TNRC18: variants seen among roughly 807,000 people sequenced by gnomAD.
TNRC18 encodes the protein trinucleotide repeat-containing gene 18 protein.
In TNRC18, 69 loss-of-function variants were observed where a neutral mutation model predicts 226.7. The ratio of observed to expected loss-of-function variants is 0.30; its 90% CI spans 0.25 to 0.37. The LOEUF is 0.37. TNRC18 is among the 10% of genes least tolerant of loss of function. The probability of loss-of-function intolerance (pLI) is 1.00; values close to 1 mark genes in which losing one functional copy is unlikely to be tolerated. For missense variants in TNRC18, 4,754 were observed against 4,256.6 expected (o/e 1.12, Z -3.25); for synonymous variants, 2,449 against 1,927.6 (o/e 1.27, Z -7.09).
intron 19 of TNRC18, among the ~76,000 whole-genome samples, chr7:5,326,780 C>A (rs1788957325): frequency 6.7e-6 from 1 of 150,348 alleles, no homozygotes; most frequent in Non-Finnish European, 1.5e-5. Flanking sequence ...ACACTCCAGC[C>A]TGGGCAAAAA....
chr7:5,384,569 A>G (rs1779626231), intron 5 of TNRC18, among the ~76,000 whole-genome samples: 1 of 150,266 alleles, frequency 6.7e-6, no homozygotes, highest in African/African-American at 2.4e-5. Context: ...GGGCACAGAC[A>G]GGTACTCTGG....
intron 24 of TNRC18, among the ~76,000 whole-genome samples, chr7:5,316,643 G>A (rs60392275): frequency 0.09 from 13,643 of 152,076 alleles, 1,124 homozygotes; most frequent in East Asian, 0.48. Context: ...ACCTGCGCCC[G>A]CTCATGCACA....
At chr7:5,411,727 G>A (rs902445434) in intron 2 of TNRC18, among the ~76,000 whole-genome samples, 1 of 152,072 alleles carries the variant, frequency 6.6e-6, no homozygotes, top group Non-Finnish European at 1.5e-5. Flanking sequence ...CAGACACACA[G>A]GAGAGAGGCA....
rs117726990 is a variant in TNRC18 at position 5,389,847 on chromosome 7, G to A, written c.488-511C>T. 650 of 153,810 alleles carry A rather than the reference G, an allele frequency of 4.2e-3. 3 individuals are homozygous for A. Among genetic ancestry groups the A allele is most frequent in the Non-Finnish European group, 7.0e-3 (483 of 69,132 alleles). 9.5% of individuals were successfully genotyped at this position (153,810 alleles called of 1,614,324 possible). A position where few individuals can be genotyped will look rare whatever the true frequency, so the allele number is the denominator to read the frequency against. Reference sequence around the variant, plus strand: ...CCCCCCAGGGCAAGAAGAAATGGGCGTCCCAGCCCTAGAGAGCGCAGGCTC... The same window carrying A: ...CCCCCCAGGGCAAGAAGAAATGGGCATCCCAGCCCTAGAGAGCGCAGGCTC... On this transcript the variant is annotated intron_variant, in intron 4 of 29. Transcript: ENST00000430969.
At chr7:5,332,005 G>A (rs1789574755) in intron 19 of TNRC18, among the ~76,000 whole-genome samples, 3 of 150,980 alleles carry the variant, frequency 2.0e-5, no homozygotes, top group Non-Finnish European at 4.4e-5. Flanking sequence ...GAATGTATAG[G>A]TACCATATCA....
intron 5 of TNRC18, among the ~76,000 whole-genome samples, chr7:5,384,688 G>A (rs1779633951): frequency 6.6e-6 from 1 of 152,110 alleles, no homozygotes; most frequent in African/African-American, 2.4e-5. Flanking sequence ...CCTCCCAGGG[G>A]GGCCCACAGC....
Position 5,371,320 on chromosome 7 carries a change from C to G in TNRC18, c.3274G>C (p.Gly1092Arg), listed in dbSNP as rs751486148. 1.9e-5 allele frequency: 30 copies of G among 1,539,110 alleles called. No individual in the cohort carries two copies. The highest frequency in any genetic ancestry group is 5.5e-5 in the African/African-American group (4 of 72,730). The change falls in exon 11 of 30, where the codon GGG (glycine) becomes CGG (arginine). Residue 1092 changes from glycine (G) to arginine (R), a missense_variant. Gly to Arg is a moderately radical substitution (Grantham distance 125, BLOSUM62 -2). Transcript: ENST00000430969. Reference sequence around the variant, plus strand: ...TGCAGCAGGAAAGGGTAGGGCCTCCCGTAGTGCGGTGGCAGGGCTTGGAAC... The same window carrying G: ...TGCAGCAGGAAAGGGTAGGGCCTCCGGTAGTGCGGTGGCAGGGCTTGGAAC... The part of the protein sequence containing the change: ...YPFQALPPHY[G>R]RPYPFLLQPT...
chr7:5,382,667 C>G (rs535415856), intron 5 of TNRC18, among the ~76,000 whole-genome samples: 224 of 152,282 alleles, frequency 1.5e-3, no homozygotes, highest in Middle Eastern at 6.8e-3. Context: ...ATCCCCACAG[C>G]CCCTCCCTCC....
intron 2 of TNRC18, among the ~76,000 whole-genome samples, chr7:5,413,689 CCTAA>C (rs1241819973): frequency 6.6e-6 from 1 of 152,132 alleles, no homozygotes; most frequent in African/African-American, 2.4e-5. Context: ...CGCCACCATG[CCTAA>C]CTAGTTTTTT....
chr7:5,423,015 G>C (rs894161784), intron 1 of TNRC18: 1 of 152,276 alleles, frequency 6.6e-6, no homozygotes, highest in African/African-American at 2.4e-5. Flanking sequence ...CAAAGAAGCT[G>C]CCTCGGCTAT....
chr7:5,382,094 C>A (rs1000031084), intron 5 of TNRC18, among the ~76,000 whole-genome samples: 1 of 152,212 alleles, frequency 6.6e-6, no homozygotes, highest in African/African-American at 2.4e-5. Flanking sequence ...CAATCACCAT[C>A]AACCCAGGAG....
intron 2 of TNRC18, among the ~76,000 whole-genome samples, chr7:5,401,628 C>A (rs1781097632): frequency 1.3e-5 from 2 of 152,194 alleles, no homozygotes; most frequent in African/African-American, 4.8e-5. Flanking sequence ...AGGAAAGCAC[C>A]CAGACAGTAA....
chr7:5,325,484 C>T lies in TNRC18; in HGVS notation c.6148-236G>A, dbSNP rs576019166. On this transcript the variant is annotated intron_variant, in intron 19 of 29. Transcript: ENST00000430969. The stretch of plus-strand genomic sequence containing the variant: ...TGTCACCGAGGCTGGAGCGCAGTGG[C>T]GCGATCTTGGCTCACTGCAAGCTCT... The T allele has an allele frequency of 4.6e-4, 209 of 458,714 alleles. 2 individuals carry two copies. Among genetic ancestry groups the T allele is most frequent in the Non-Finnish European group, 6.6e-4 (172 of 262,096 alleles). 28.4% of individuals were successfully genotyped at this position (458,714 alleles called of 1,614,324 possible).
intron 17 of TNRC18, among the ~76,000 whole-genome samples, chr7:5,351,157 C>CGGCA: frequency 6.6e-6 from 1 of 151,822 alleles, no homozygotes; most frequent in East Asian, 1.9e-4. Flanking sequence ...AAGCGGCAGG[C>CGGCA]GGCACGGTCC....
In TNRC18 at chr7:5,325,094, ACCT is replaced by A; in HGVS notation, c.6299_6300+1del. On this transcript the variant is annotated splice_donor_variant and coding_sequence_variant, in exon 20 of 30. Coordinates refer to ENST00000430969, the MANE Select transcript of TNRC18 (RefSeq NM_001080495.3). LOFTEE classifies it high-confidence loss of function. ...CCCCAACCAGGGCACGGTGAGCCTCACCTCCTTCTTCACCTCCTTCCCTTTGGC... is the reference window on the plus strand; with the variant it reads ...CCCCAACCAGGGCACGGTGAGCCTCACCTTCTTCACCTCCTTCCCTTTGGC... 1.3e-6 allele frequency: 2 copies of A among 1,549,516 alleles called. No homozygotes were observed. Among genetic ancestry groups the A allele is most frequent in the South Asian group, 1.2e-5 (1 of 83,956 alleles).
rs780127418 is a variant in TNRC18 at position 5,324,343 on chromosome 7, C to T, written c.6313G>A (p.Gly2105Arg). The change falls in exon 21 of 30, where the codon GGG becomes AGG. Residue 2105 changes from glycine (G) to arginine (R), a missense_variant. Physicochemically the swap from Gly to Arg is moderately radical, Grantham distance 125. Coordinates refer to ENST00000430969, the MANE Select transcript of TNRC18 (RefSeq NM_001080495.3). This position sits in a 1 kb window ranked among gnomAD's most constrained non-coding sequence, Gnocchi z 4.8. ...KEVKKENRGK[G>R]GAVSKLMESM... ...TCCATCAGCTTGCTCACGGCACCCCCCTTGCCGCGGTTCTGGGGACAGAAC... is the reference window on the plus strand; with the variant it reads ...TCCATCAGCTTGCTCACGGCACCCCTCTTGCCGCGGTTCTGGGGACAGAAC... 1.8e-5 allele frequency: 29 copies of T among 1,613,440 alleles called. No homozygotes were observed. The highest frequency in any genetic ancestry group is 1.8e-5 in the Non-Finnish European group (21 of 1,179,734).
chr7:5,359,488 C>T lies in TNRC18; in HGVS notation c.4743G>A (p.Glu1581=), dbSNP rs749117130. 6 of 1,614,036 alleles carry T rather than the reference C, an allele frequency of 3.7e-6. No individual in the cohort carries two copies. Among genetic ancestry groups the T allele is most frequent in the East Asian group, 2.2e-5 (1 of 44,890 alleles). The change falls in exon 15 of 30, where the codon GAG becomes GAA. Residue 1581 remains glutamate (E), a synonymous_variant. Coordinates refer to ENST00000430969, the MANE Select transcript of TNRC18 (RefSeq NM_001080495.3). ...GIRKRHKGSE[E]EHDALIGMGK... ...CCATTCCGATGAGGGCATCATGTTC[C>T]TCCTCAGACCCCTTGTGTCTCTTTC...
chr7:5,419,006 G>A (rs1047337727), intron 2 of TNRC18, among the ~76,000 whole-genome samples: 5 of 152,222 alleles, frequency 3.3e-5, no homozygotes, highest in African/African-American at 1.2e-4. Context: ...CAAGGGGGCG[G>A]CAGCTGTCCT....
intron 5 of TNRC18, among the ~76,000 whole-genome samples, chr7:5,380,161 C>T (rs1779297482): frequency 6.6e-6 from 1 of 152,170 alleles, no homozygotes; most frequent in South Asian, 2.1e-4. Context: ...AAGCAGCACC[C>T]CAGGCCCGAC....
Sources: gnomAD v4.1 joint callset for allele counts (sites outside exome capture counted in the v4.1 genomes callset) on GRCh38, gnomAD v4.1.1 for gene constraint, Gnocchi (gnomAD v3.1) non-coding constraint, MANE v1.5 for transcripts, NCBI Gene and HGNC (gene_info 2026-07-23, HGNC 2026-07-21) for gene names.